Variants in GRIK2 observed in about 807,000 individuals in gnomAD.
GRIK2 encodes glutamate receptor ionotropic, kainate 2.
A neutral mutation model predicts 100.3 loss-of-function variants in GRIK2; 32 were observed. The ratio of observed to expected loss-of-function variants is 0.32; its 90% confidence interval spans 0.24 to 0.43. The LOEUF (loss-of-function observed/expected upper bound fraction) is 0.43. GRIK2 is among the 20% of genes least tolerant of loss of function. GRIK2 has a pLI of 1.00. For synonymous variants in GRIK2, 417 were observed against 389.4 expected (o/e 1.07, Z -0.83); for missense variants, 843 against 1,114.9 (o/e 0.76, Z 3.47).
intron 12 of GRIK2, among the ~76,000 whole-genome samples, chr6:101,891,892 T>C (rs530872174): frequency 3.1e-4 from 47 of 152,282 alleles, no homozygotes; most frequent in Admixed American, 3.0e-3. Flanking sequence ...GCATCTTTTT[T>C]ATAGTGACAG....
chr6:102,050,059 T>A (rs954380065), intron 15 of GRIK2, among the ~76,000 whole-genome samples: 1 of 152,110 alleles, frequency 6.6e-6, no homozygotes, highest in Non-Finnish European at 1.5e-5. Context: ...TCCTATATTA[T>A]CTAGACGTAA....
At chr6:101,746,395 C>T (rs777270527) in intron 7 of GRIK2, among the ~76,000 whole-genome samples, 24 of 152,080 alleles carry the variant, frequency 1.6e-4, no homozygotes, top group East Asian at 3.9e-4. Context: ...GGCATGATCT[C>T]GGCTCACTGC....
chr6:101,514,899 TTA>T (rs1361423308), intron 2 of GRIK2, among the ~76,000 whole-genome samples: 1 of 152,104 alleles, frequency 6.6e-6, no homozygotes. Flanking sequence ...TGTTTTCTTT[TTA>T]TTTTATTTTT....
At chr6:101,449,957 A>G (rs978906503) in intron 2 of GRIK2, among the ~76,000 whole-genome samples, 1 of 151,782 alleles carries the variant, frequency 6.6e-6, no homozygotes, top group Non-Finnish European at 1.5e-5. Flanking sequence ...GGAAAAAGCT[A>G]AAGAAAATTA....
At chr6:102,019,614 T>C (rs1028526031) in intron 14 of GRIK2, among the ~76,000 whole-genome samples, 1 of 152,044 alleles carries the variant, frequency 6.6e-6, no homozygotes, top group Non-Finnish European at 1.5e-5. Flanking sequence ...TTTGTGTCAA[T>C]CTATACATGA....
rs112915440 is a variant in GRIK2 at position 101,540,109 on chromosome 6, T to C, written c.116-81840T>C. On this transcript the variant is annotated intron_variant, in intron 2 of 16. Coordinates refer to ENST00000369134, the MANE Select transcript of GRIK2 (RefSeq NM_021956.5). ...TGATTTTTAGATATTCATTCAGAAA[T>C]AGTTATTTTTCTCTGTGGTCAAAGC... Among the ~76,000 whole-genome samples, 68 of 151,852 alleles carry C rather than the reference T, an allele frequency of 4.5e-4. 1 individual carries two copies. The highest frequency in any genetic ancestry group is 1.5e-3 in the African/African-American group (62 of 41,410).
chr6:101,610,855 A>C (rs1382475887), intron 2 of GRIK2, among the ~76,000 whole-genome samples: 2 of 151,748 alleles, frequency 1.3e-5, no homozygotes. Flanking sequence ...TACTGTTTAT[A>C]TTATAATTAT....
intron 10 of GRIK2, among the ~76,000 whole-genome samples, chr6:101,856,564 C>T (rs1784436447): frequency 6.6e-6 from 1 of 151,954 alleles, no homozygotes; most frequent in African/African-American, 2.4e-5. Context: ...GAGCTCATAA[C>T]TAATTTTAGG....
At chr6:101,980,847 T>C (rs1562085500) in intron 14 of GRIK2, among the ~76,000 whole-genome samples, 2 of 149,866 alleles carry the variant, frequency 1.3e-5, no homozygotes, top group African/African-American at 4.9e-5. Context: ...CTTAAAAGTA[T>C]AAGCACTGAA....
chr6:102,056,657 G>A (rs1771475355), intron 16 of GRIK2, among the ~76,000 whole-genome samples: 1 of 151,850 alleles, frequency 6.6e-6, no homozygotes, highest in South Asian at 2.1e-4. Flanking sequence ...GGAATACCAG[G>A]TAAATATTTT....
At chr6:101,719,164 T>G (rs1774289085) in intron 7 of GRIK2, among the ~76,000 whole-genome samples, 2 of 60,640 alleles carry the variant, frequency 3.3e-5, no homozygotes, top group East Asian at 4.8e-4. Context: ...TTTTTTTTTT[T>G]TTTTTTTTTT....
chr6:101,677,933 A>G (rs1427765532), intron 5 of GRIK2, among the ~76,000 whole-genome samples: 3 of 152,158 alleles, frequency 2.0e-5, no homozygotes, highest in African/African-American at 7.2e-5. Context: ...CTATAGTTTT[A>G]TCTTTGGATA....
In GRIK2 at chr6:101,763,995, A is replaced by G. The variant is rs138096737; in HGVS notation, c.952-35653A>G. Among the ~76,000 whole-genome samples the G allele has an allele frequency of 3.3e-5, 5 of 152,294 alleles. No homozygotes were observed. In the East Asian group the frequency reaches 9.7e-4, roughly 29 times the overall value. The stretch of plus-strand genomic sequence containing the variant: ...GAAAAGAGATAAACGTTTGTCCTTA[A>G]GGAAGGTGATCCCAAGATCAGAAAC... On this transcript the variant is annotated intron_variant, in intron 7 of 16. Transcript: ENST00000369134.
intron 15 of GRIK2, among the ~76,000 whole-genome samples, chr6:102,048,102 C>G (rs905023339): frequency 6.6e-6 from 1 of 150,760 alleles, no homozygotes; most frequent in African/African-American, 2.4e-5. Context: ...TCAAGAACAC[C>G]CAATGGAAAA....
At chr6:101,456,902 A>C (rs1771040155) in intron 2 of GRIK2, among the ~76,000 whole-genome samples, 1 of 152,164 alleles carries the variant, frequency 6.6e-6, no homozygotes, top group Non-Finnish European at 1.5e-5. Flanking sequence ...GCAATACTAG[A>C]GGACAAATCT....
intron 14 of GRIK2, among the ~76,000 whole-genome samples, chr6:102,011,222 C>T (rs935210521): frequency 6.6e-6 from 1 of 152,108 alleles, no homozygotes; most frequent in East Asian, 1.9e-4. Flanking sequence ...TGTCAGTGTT[C>T]TGGATGTTAG....
In GRIK2 at chr6:101,768,005, T is replaced by C. The variant is rs539685046; in HGVS notation, c.952-31643T>C. Among the ~76,000 whole-genome samples, 309 of 152,030 alleles carry C rather than the reference T, an allele frequency of 2.0e-3. 1 individual carries two copies. The highest frequency in any genetic ancestry group is 7.2e-3 in the African/African-American group (300 of 41,466). ...TTCCAAGTAGCTGGGACCACAGGCA[T>C]GCGCTACCATGCCTGGCTAATTTTT... On this transcript the variant is annotated intron_variant, in intron 7 of 16. Transcript: ENST00000369134.
rs1348308305 is a variant in GRIK2 at position 101,483,564 on chromosome 6, T to C, written c.115+84172T>C. On this transcript the variant is annotated intron_variant, in intron 2 of 16. Transcript: ENST00000369134. ...TTCTATTTCCTTTTGTTAGTTTTTA[T>C]TTCATTTTATTTATTTATGTATTTA... is the stretch of plus-strand genomic sequence containing the variant. 2.6e-5 allele frequency among the ~76,000 whole-genome samples: 4 copies of C among 152,304 alleles called. No individual in the cohort carries two copies. In the East Asian group the frequency reaches 7.7e-4, roughly 29 times the overall value.
chr6:101,676,941 C>T (rs1167331271), intron 5 of GRIK2, 137 bp downstream of exon 5: 2 of 554,786 alleles, frequency 3.6e-6, no homozygotes, highest in African/African-American at 2.0e-5. Context: ...GAAAGTCTGA[C>T]AATTGCTTTT....
Sources: allele counts gnomAD v4.1 joint callset (sites outside exome capture counted in the v4.1 genomes callset), GRCh38; gene constraint gnomAD v4.1.1; transcripts MANE v1.5; gene names NCBI Gene and HGNC (gene_info 2026-07-23, HGNC 2026-07-21).